The following IL1RAPL2 variants were observed in gnomAD, a reference collection of about 807,000 sequenced individuals.
IL1RAPL2 encodes X-linked interleukin-1 receptor accessory protein-like 2.
Under a neutral mutation model 44.1 loss-of-function variants are expected in IL1RAPL2, and 3 were observed. The ratio of observed to expected loss-of-function variants is 0.07; its 90% confidence interval spans 0.03 to 0.18. The LOEUF (loss-of-function observed/expected upper bound fraction) is 0.18, where lower values mean the gene tolerates loss of function less well. IL1RAPL2 is among the 10% of genes least tolerant of loss of function. The pLI, the probability that IL1RAPL2 is intolerant of heterozygous loss-of-function variation, is 1.00. For missense variants in IL1RAPL2, 391 were observed against 496.4 expected (o/e 0.79, Z 2.02); for synonymous variants, 181 against 178.8 (o/e 1.01, Z -0.10).
chrX:105,302,946 G>C (rs2034707773), intron 5 of IL1RAPL2, among the ~76,000 whole-genome samples: 1 of 111,856 alleles, frequency 8.9e-6, no homozygotes, highest in Admixed American at 9.5e-5. Context: ...ATTTGCCCCT[G>C]GCTAGGGCTT....
intron 2 of IL1RAPL2, among the ~76,000 whole-genome samples, chrX:104,747,686 A>G (rs986901221): frequency 9.0e-6 from 1 of 111,152 alleles, no homozygotes; most frequent in Non-Finnish European, 1.9e-5. Flanking sequence ...TAGAGCCTGC[A>G]AAGAGCATTG....
At position 105,410,241 on chromosome X, in the gene IL1RAPL2, G is replaced by C. The variant is rs146677295; in HGVS notation, c.698-74072G>C. On this transcript the variant is annotated intron_variant, in intron 5 of 10. Coordinates refer to ENST00000372582, the MANE Select transcript of IL1RAPL2 (RefSeq NM_017416.2). Reference sequence around the variant, plus strand: ...GTCAAGGCAGTAGATCCATATATGGGAGTCATCAGTATCTATATGTTATAT... The same window carrying C: ...GTCAAGGCAGTAGATCCATATATGGCAGTCATCAGTATCTATATGTTATAT... Among the ~76,000 whole-genome samples, 496 of 110,382 alleles carry C rather than the reference G, an allele frequency of 4.5e-3. 5 individuals carry two copies. Among genetic ancestry groups the C allele is most frequent in the African/African-American group, 0.015 (471 of 30,446 alleles).
intron 2 of IL1RAPL2, among the ~76,000 whole-genome samples, chrX:104,968,111 T>G (rs983771028): frequency 9.0e-6 from 1 of 111,641 alleles, no homozygotes; most frequent in Non-Finnish European, 1.9e-5. Context: ...AAGTAAAACT[T>G]ATTATGAACA....
At chrX:104,940,820 T>C (rs1309234111) in intron 2 of IL1RAPL2, among the ~76,000 whole-genome samples, 1 of 108,456 alleles carries the variant, frequency 9.2e-6, no homozygotes, top group Non-Finnish European at 1.9e-5. Flanking sequence ...GTTGGTGTGC[T>C]GCACCCATTA....
chrX:105,165,817 A>G (rs908955500), intron 2 of IL1RAPL2, among the ~76,000 whole-genome samples: 1 of 111,144 alleles, frequency 9.0e-6, no homozygotes, highest in African/African-American at 3.3e-5. Context: ...TCATCTAGCT[A>G]TTGGCTCCTC....
intron 4 of IL1RAPL2, among the ~76,000 whole-genome samples, chrX:105,260,973 T>C (rs1042999034): frequency 8.9e-6 from 1 of 112,069 alleles, no homozygotes; most frequent in African/African-American, 3.2e-5. Context: ...GGGGTATGTT[T>C]GGAGGTCTAA....
chrX:105,298,628 GTGGA>G (rs2034672605), intron 5 of IL1RAPL2, among the ~76,000 whole-genome samples: 1 of 110,166 alleles, frequency 9.1e-6, no homozygotes, highest in African/African-American at 3.3e-5. Context: ...GAAGTCAGGA[GTGGA>G]TATGCAATCT....
At chrX:105,226,385 C>CTT (rs35192051) in intron 3 of IL1RAPL2, among the ~76,000 whole-genome samples, 1,331 of 53,357 alleles carry the variant, frequency 0.025, 121 homozygotes, top group Non-Finnish European at 0.031. Flanking sequence ...TTTCTTTTCC[C>CTT]TTTTTTTTTT....
intron 5 of IL1RAPL2, among the ~76,000 whole-genome samples, chrX:105,289,962 G>A (rs768479296): frequency 9.0e-6 from 1 of 111,422 alleles, no homozygotes; most frequent in East Asian, 2.8e-4. Flanking sequence ...AGGCAAAGGG[G>A]AAAACTAATA....
At chrX:105,296,486 C>T (rs2034655533) in intron 5 of IL1RAPL2, among the ~76,000 whole-genome samples, 1 of 112,388 alleles carries the variant, frequency 8.9e-6, no homozygotes, top group Non-Finnish European at 1.9e-5. Context: ...TTTATGCCTG[C>T]AATGTTAACA....
At chrX:105,421,326 G>C (rs906747407) in intron 5 of IL1RAPL2, among the ~76,000 whole-genome samples, 7 of 111,381 alleles carry the variant, frequency 6.3e-5, no homozygotes, top group Admixed American at 1.9e-4. Context: ...GTGAGCAGAG[G>C]GGTAACTGAA....
intron 3 of IL1RAPL2, chrX:105,219,101 C>T (rs782369433): frequency 1.6e-5 from 19 of 1,208,982 alleles, no homozygotes; most frequent in Middle Eastern, 4.6e-4. Context: ...TGATGAGGTT[C>T]GGAGTATCTC....
At chrX:105,531,895 T>C (rs2036639616) in intron 6 of IL1RAPL2, among the ~76,000 whole-genome samples, 1 of 111,826 alleles carries the variant, frequency 8.9e-6, no homozygotes, top group Admixed American at 9.5e-5. Context: ...CTGGGTTCTC[T>C]ATTCTGTTCC....
chrX:105,616,949 G>A (rs1373310292), intron 6 of IL1RAPL2, among the ~76,000 whole-genome samples: 1 of 109,711 alleles, frequency 9.1e-6, no homozygotes, highest in East Asian at 2.9e-4. Context: ...TAATCTAGTG[G>A]CACTACCGTG....
intron 5 of IL1RAPL2, among the ~76,000 whole-genome samples, chrX:105,299,360 A>G (rs989890077): frequency 9.0e-6 from 1 of 111,160 alleles, no homozygotes; most frequent in African/African-American, 3.3e-5. Context: ...GGGTCACTGA[A>G]TGGGGAAATG....
intron 2 of IL1RAPL2, among the ~76,000 whole-genome samples, chrX:104,837,776 G>A (rs760842294): frequency 9.0e-6 from 1 of 111,433 alleles, no homozygotes; most frequent in African/African-American, 3.3e-5. Context: ...CATTGCTTTT[G>A]GTGTTTTAGT....
chrX:104,688,159 C>A (rs1931021224), intron 2 of IL1RAPL2, among the ~76,000 whole-genome samples: 1 of 111,888 alleles, frequency 8.9e-6, no homozygotes, highest in African/African-American at 3.2e-5. Flanking sequence ...CTAATTCCCT[C>A]TGTCTGAAAT....
intron 2 of IL1RAPL2, among the ~76,000 whole-genome samples, chrX:104,994,029 C>T (rs966515188): frequency 8.9e-6 from 1 of 111,748 alleles, no homozygotes; most frequent in Non-Finnish European, 1.9e-5. Context: ...ATCCAACTTC[C>T]ACTTCTACAT....
intron 5 of IL1RAPL2, among the ~76,000 whole-genome samples, chrX:105,398,237 T>C (rs1385292575): frequency 1.8e-5 from 2 of 111,189 alleles, no homozygotes; most frequent in African/African-American, 6.5e-5. Flanking sequence ...GTTCTTCCAG[T>C]AGAAAGTAAC....
Sources: gnomAD v4.1 joint callset for allele counts (sites outside exome capture counted in the v4.1 genomes callset) on GRCh38, gnomAD v4.1.1 for gene constraint, MANE v1.5 for transcripts, NCBI Gene and HGNC (gene_info 2026-07-23, HGNC 2026-07-21) for gene names.